Variants in STARD8 observed in about 807,000 individuals in gnomAD.
STARD8 encodes the protein StAR related lipid transfer domain containing 8.
A neutral mutation model predicts 69.4 loss-of-function variants in STARD8; 25 were observed. That is an observed-to-expected ratio of 0.36 (90% CI 0.26 to 0.50). The LOEUF is 0.50. STARD8 is among the 20% of genes least tolerant of loss of function. The pLI, the probability that STARD8 is intolerant of heterozygous loss-of-function variation, is 0.96. For synonymous variants in STARD8, 389 were observed against 374.6 expected, an observed-to-expected ratio of 1.04 and a Z score of -0.45; for missense variants, 921 against 932.5, an observed-to-expected ratio of 0.99 and a Z score of 0.16.
At position 68,724,456 on chromosome X, in the gene STARD8, G is replaced by C. The variant is rs755993937; in HGVS notation, c.*34G>C. On this transcript the variant is annotated 3_prime_UTR_variant, in exon 15 of 15. Transcript: ENST00000374599. ...CTGGTCCCAGGGTGGCACCACCCAG[G>C]CCCCCTGGGCACCAAGGGAGCGAGG... is the stretch of plus-strand genomic sequence containing the variant. 4.4e-6 allele frequency: 5 copies of C among 1,126,031 alleles called. No homozygotes were observed. Among genetic ancestry groups the C allele is most frequent in the Non-Finnish European group, 6.1e-6 (5 of 826,022 alleles). 92.8% of individuals were successfully genotyped at this position (1,126,031 alleles called of 1,213,427 possible). A position where few individuals can be genotyped will look rare whatever the true frequency, so the allele number is the denominator to read the frequency against.
rs773434965 is a variant in STARD8, at chrX:68,719,219, C to G, written c.1716-6C>G. 5 of 1,174,157 alleles carry G rather than the reference C, an allele frequency of 4.3e-6. No individual in the cohort carries two copies. In the African/African-American group the frequency reaches 5.3e-5, roughly 12 times the overall value. ...CTTCTCCACCCCTCTCACCGCCCCC[C>G]ACCAGGAAGCTCCGTTGGCATAGCT... On this transcript the variant is annotated splice_region_variant and splice_polypyrimidine_tract_variant and intron_variant, in intron 6 of 14. Coordinates refer to ENST00000374599, the MANE Select transcript of STARD8 (RefSeq NM_001142503.3).
intron 2 of STARD8, among the ~76,000 whole-genome samples, chrX:68,698,330 TCAATTTGAAAGTCTAAAAGAG>T (rs2079938733): frequency 9.0e-6 from 1 of 111,057 alleles, no homozygotes; most frequent in Non-Finnish European, 1.9e-5. Flanking sequence ...TCGCCTCATC[TCAATTTGAAAGTCTAAAAGAG>T]CAAGAAATGC....
intron 2 of STARD8, among the ~76,000 whole-genome samples, chrX:68,690,629 C>T (rs1193095818): frequency 8.9e-6 from 1 of 112,341 alleles, no homozygotes; most frequent in Non-Finnish European, 1.9e-5. Flanking sequence ...TTACAGTATA[C>T]TTTCACATTT....
intron 2 of STARD8, among the ~76,000 whole-genome samples, chrX:68,666,688 G>A (rs1297220556): frequency 8.9e-6 from 1 of 111,934 alleles, no homozygotes; most frequent in Non-Finnish European, 1.9e-5. Context: ...GAGAAGAGAG[G>A]ATTTATTTTG....
chrX:68,712,103 G>C (rs1348773490), intron 2 of STARD8, among the ~76,000 whole-genome samples: 3 of 112,613 alleles, frequency 2.7e-5, no homozygotes, highest in Admixed American at 1.9e-4. Context: ...CTCTGTGCCA[G>C]AACTCCCAGA....
Position 68,722,160 on chromosome X carries a change from A to G in STARD8, c.2573A>G (p.Gln858Arg). The G allele has an allele frequency of 8.4e-7, 1 of 1,196,428 alleles. No homozygotes were observed. The highest frequency in any genetic ancestry group is 1.1e-6 in the Non-Finnish European group (1 of 883,999). The change falls in exon 11 of 15, where the codon CAG becomes CGG. Residue 858 changes from glutamine to arginine, a missense_variant and splice_region_variant. Gln to Arg is a conservative substitution (Grantham distance 43). Transcript: ENST00000374599. Reference sequence around the variant, plus strand: ...ATCAGTGACTGCAAGAAACTTTTCCAGGTGAGTAACCCCAGGCCATGACAC... The same window carrying G: ...ATCAGTGACTGCAAGAAACTTTTCCGGGTGAGTAACCCCAGGCCATGACAC... ...HMISDCKKLF[Q>R]VPQDMVLQLC...
In STARD8 at chrX:68,717,525, A is replaced by G. The variant is rs1173481158; in HGVS notation, c.611A>G (p.His204Arg). 1 of 1,210,936 alleles carries G rather than the reference A, an allele frequency of 8.3e-7. No individual in the cohort carries two copies. The highest frequency in any genetic ancestry group is 1.8e-5 in the South Asian group (1 of 56,973). ...EGPQDKAKKR[H>R]RNRSFLKHLE... ...CCCCAGGACAAAGCCAAGAAGCGCC[A>G]TCGTAACCGTAGCTTCCTCAAGCAC... Residue 204 changes from histidine (H) to arginine (R), a missense_variant, in exon 6 of 15, where the codon CAT becomes CGT. Physicochemically the swap from His to Arg is conservative, Grantham distance 29. Transcript: ENST00000374599.
At chrX:68,715,216 C>T in intron 3 of STARD8, 78 bp from the exon 4 acceptor site, 1 of 897,804 alleles carries the variant, frequency 1.1e-6, no homozygotes, top group East Asian at 3.4e-5. Context: ...CCTGGCCGTT[C>T]CCTTCCAGCC....
At chrX:68,673,425 C>T (rs1375040505) in intron 2 of STARD8, among the ~76,000 whole-genome samples, 1 of 112,009 alleles carries the variant, frequency 8.9e-6, no homozygotes, top group African/African-American at 3.2e-5. Flanking sequence ...GTCCCAGATA[C>T]GCTGCCATAA....
intron 1 of STARD8, among the ~76,000 whole-genome samples, chrX:68,650,166 A>G (rs2079537683): frequency 9.0e-6 from 1 of 111,338 alleles, no homozygotes; most frequent in East Asian, 2.8e-4. Flanking sequence ...GCTCATGCCT[A>G]TAATTCTAGC....
chrX:68,717,860 A>C lies in STARD8; in HGVS notation c.946A>C (p.Ile316Leu). ...AGGCACATTCCCTCGCTCCCTGTCC[A>C]TTGAGAGCCTGTGTCCTGAGGATGG... ...KPGTFPRSLS[I>L]ESLCPEDGHR... The change falls in exon 6 of 15, where the codon ATT becomes CTT. Residue 316 changes from isoleucine (I) to leucine (L), a missense_variant. Physicochemically the swap from Ile to Leu is conservative, Grantham distance 5 (BLOSUM62 2). Coordinates refer to ENST00000374599, the MANE Select transcript of STARD8 (RefSeq NM_001142503.3). 8.3e-7 allele frequency: 1 copy of C among 1,210,213 alleles called. No homozygotes were observed. Among genetic ancestry groups the C allele is most frequent in the Non-Finnish European group, 1.1e-6 (1 of 894,781 alleles).
chrX:68,669,511 C>A (rs1287975003), intron 2 of STARD8, among the ~76,000 whole-genome samples: 1 of 112,358 alleles, frequency 8.9e-6, no homozygotes, highest in Non-Finnish European at 1.9e-5. Flanking sequence ...GACCTTCCCT[C>A]CCACCGCCTT....
At chrX:68,658,200 G>T (rs898289787) in intron 1 of STARD8, among the ~76,000 whole-genome samples, 6 of 111,968 alleles carry the variant, frequency 5.4e-5, no homozygotes, top group Non-Finnish European at 9.4e-5. Flanking sequence ...TACACTGTTC[G>T]AAACCCTCCA....
In STARD8 at chrX:68,677,301, C is replaced by T. The variant is rs765507529; in HGVS notation, c.79+11769C>T. On this transcript the variant is annotated intron_variant, in intron 2 of 14. Transcript: ENST00000374599. ...TTGTCTGCTCTGTAAATGGGATAGA[C>T]ATGTCCTCTTCTCCTGTCTCACAGG... is the stretch of plus-strand genomic sequence containing the variant. 5.4e-5 allele frequency among the ~76,000 whole-genome samples: 6 copies of T among 111,838 alleles called. No homozygotes were observed. In the South Asian group the frequency reaches 2.3e-3, roughly 42 times the overall value.
rs377617914 is a variant in STARD8 at position 68,722,445 on chromosome X, G to A, written c.2598G>A (p.Gln866=). The change falls in exon 12 of 15, where the codon CAG becomes CAA. Residue 866 remains glutamine (Q), a synonymous_variant. Coordinates refer to ENST00000374599, the MANE Select transcript of STARD8 (RefSeq NM_001142503.3). ...AGGTGCCCCAGGACATGGTGCTGCA[G>A]CTGTGCAGCTCCTACAGCGCAGCTG... is the stretch of plus-strand genomic sequence containing the variant. ...LFQVPQDMVL[Q]LCSSYSAAEL... is the part of the protein sequence containing the mutation. 2 of 1,204,750 alleles carry A rather than the reference G, an allele frequency of 1.7e-6. No homozygotes were observed. Among genetic ancestry groups the A allele is most frequent in the Non-Finnish European group, 2.2e-6 (2 of 892,556 alleles).
intron 2 of STARD8, among the ~76,000 whole-genome samples, chrX:68,685,305 C>T (rs1297070550): frequency 8.9e-6 from 1 of 111,861 alleles, no homozygotes. Flanking sequence ...GGTTATGCCA[C>T]AGTTAGAGCA....
chrX:68,651,275 T>C (rs762861797), intron 1 of STARD8, among the ~76,000 whole-genome samples: 2 of 112,873 alleles, frequency 1.8e-5, no homozygotes, highest in African/African-American at 6.4e-5. Flanking sequence ...TGCATGCACA[T>C]GCATATGCAC....
At position 68,647,794 on chromosome X, in the gene STARD8, C is replaced by T. The variant is rs922682975; in HGVS notation, c.-89C>T. On this transcript the variant is annotated 5_prime_UTR_variant, in exon 1 of 15. Transcript: ENST00000374599. ...GGGACCGGGCTGGCTCTCGCCGAGCCCCGGGCCTCTTTTAGCCTCGTCCCC... is the reference window on the plus strand; with the variant it reads ...GGGACCGGGCTGGCTCTCGCCGAGCTCCGGGCCTCTTTTAGCCTCGTCCCC... 9.0e-7 allele frequency: 1 copy of T among 1,109,843 alleles called. No individual in the cohort carries two copies. The highest frequency in any genetic ancestry group is 1.2e-6 in the Non-Finnish European group (1 of 826,063). The allele number at this position is 1,109,843 out of a possible 1,213,427, so 91.5% of individuals were successfully genotyped here.
At chrX:68,719,848 CTTTG>C (rs1023498754) in intron 7 of STARD8, among the ~76,000 whole-genome samples, 95 of 111,890 alleles carry the variant, frequency 8.5e-4, no homozygotes, top group African/African-American at 3.1e-3. Flanking sequence ...GCCTCTTTGC[CTTTG>C]TTTGTGCTGT....
Sources: allele counts gnomAD v4.1 joint callset (sites outside exome capture counted in the v4.1 genomes callset), GRCh38; gene constraint gnomAD v4.1.1; transcripts MANE v1.5; gene names NCBI Gene and HGNC (gene_info 2026-07-23, HGNC 2026-07-21).